DOCK2: variants seen among roughly 807,000 people sequenced by gnomAD.
The protein encoded by DOCK2 is dedicator of cytokinesis protein 2.
DOCK2 carries 87 observed loss-of-function variants against 248.9 expected under a neutral mutation model. The observed-to-expected ratio is 0.35, with a 90% CI of 0.29 to 0.42. DOCK2 has a LOEUF of 0.42. Among genes scored for constraint, DOCK2 ranks in the 10% least tolerant of loss-of-function variants. The pLI is 1.00. For missense variants in DOCK2, 1,747 were observed against 2,300.2 expected (o/e 0.76, Z 4.92); for synonymous variants, 805 against 821.6 (o/e 0.98, Z 0.35).
chr5:170,008,499 G>A lies in DOCK2; in HGVS notation c.3075G>A (p.Leu1025=), dbSNP rs1186152086. The A allele has an allele frequency of 6.2e-7, 1 of 1,614,104 alleles. No individual in the cohort carries two copies. Among genetic ancestry groups the A allele is most frequent in the East Asian group, 2.2e-5 (1 of 44,882 alleles). The part of the protein sequence containing the change: ...FLEHTNFEFQ[L]WNNYFHLAVA... ...GTTCTCTGCTCTTTCATTTACAGCT[G>A]TGGAACAACTATTTTCATCTGGCAG... The change falls in exon 31 of 52, where the codon CTG becomes CTA. Residue 1025 remains leucine (L), a splice_region_variant and synonymous_variant. Transcript: ENST00000520908.
At chr5:169,691,490 A>G (rs1760300212) in intron 9 of DOCK2, among the ~76,000 whole-genome samples, 1 of 152,214 alleles carries the variant, frequency 6.6e-6, no homozygotes, top group African/African-American at 2.4e-5. Flanking sequence ...GAGTGCTTTC[A>G]TGGTGCAGTG....
rs142401899 is a variant in DOCK2 at position 169,716,387 on chromosome 5, T to C, written c.2031+85T>C. On this transcript the variant is annotated intron_variant, in intron 20 of 51. Coordinates refer to ENST00000520908, the MANE Select transcript of DOCK2 (RefSeq NM_004946.3). ...AAATACTGAGAACTCATGGCCCTCA[T>C]GGCCCTCATGGCCTTTTTCATGAAT... 7.8e-4 allele frequency: 1,015 copies of C among 1,303,148 alleles called. 6 individuals are homozygous for C. The African/African-American group carries it at 0.013, about 16-fold the overall frequency. The allele number at this position is 1,303,148 out of a possible 1,614,324, so 80.7% of individuals were successfully genotyped here.
intron 27 of DOCK2, among the ~76,000 whole-genome samples, chr5:169,851,526 A>T (rs1295978018): frequency 2.0e-5 from 3 of 152,168 alleles, no homozygotes; most frequent in East Asian, 3.8e-4. Context: ...CTAGATAATG[A>T]TGATGATGTC....
chr5:169,681,113 C>CT (rs764614478), intron 6 of DOCK2, among the ~76,000 whole-genome samples: 963 of 94,240 alleles, frequency 0.01, 87 homozygotes, highest in East Asian at 0.014. Context: ...TTTAGTAGAC[C>CT]TTTTTTTTTT....
At chr5:169,742,693 G>A (rs1238158622) in intron 22 of DOCK2, among the ~76,000 whole-genome samples, 2 of 152,248 alleles carry the variant, frequency 1.3e-5, no homozygotes, top group Non-Finnish European at 2.9e-5. Flanking sequence ...TGGCATCTCA[G>A]TTTTGGGCTG....
rs1763672387 is a variant in DOCK2 at position 169,747,428 on chromosome 5, A to T, written c.2300A>T (p.Glu767Val). The change falls in exon 23 of 52, where the codon GAA becomes GTA. Residue 767 changes from glutamate to valine, a missense_variant. This residue lies in a region of DOCK2 where 858 missense variants were observed against 1,183.5 expected (regional missense o/e 0.72). Coordinates refer to ENST00000520908, the MANE Select transcript of DOCK2 (RefSeq NM_004946.3). ...LYEGKEQMEFEESMRRLFESI... is the reference protein window; with the variant it reads ...LYEGKEQMEFVESMRRLFESI... ...GAAGGCAAAGAACAGATGGAGTTTG[A>T]AGAATCCATGAGACGGCTCTTTGAA... is the stretch of plus-strand genomic sequence containing the variant. 1 of 1,613,610 alleles carries T rather than the reference A, an allele frequency of 6.2e-7. No individual in the cohort carries two copies. The highest frequency in any genetic ancestry group is 1.7e-5 in the Admixed American group (1 of 59,958).
At chr5:169,691,101 A>G (rs1386421894) in intron 9 of DOCK2, among the ~76,000 whole-genome samples, 1 of 152,186 alleles carries the variant, frequency 6.6e-6, no homozygotes, top group Non-Finnish European at 1.5e-5. Flanking sequence ...GAAAGTTGCC[A>G]TCATGGCAGA....
chr5:169,702,458 G>A (rs771213095), intron 14 of DOCK2, 31 bp downstream of exon 14: 2 of 1,611,936 alleles, frequency 1.2e-6, no homozygotes, highest in Non-Finnish European at 1.7e-6. Flanking sequence ...CTGGGTGACA[G>A]GGTCCGCCTT....
chr5:169,662,410 T>G (rs1384378894), intron 2 of DOCK2, among the ~76,000 whole-genome samples: 1 of 152,238 alleles, frequency 6.6e-6, no homozygotes, highest in Non-Finnish European at 1.5e-5. Context: ...ATTCACAGGT[T>G]TTTGTTTCAT....
At chr5:169,684,912 G>A (rs1759874869) in intron 8 of DOCK2, among the ~76,000 whole-genome samples, 1 of 152,188 alleles carries the variant, frequency 6.6e-6, no homozygotes, top group South Asian at 2.1e-4. Flanking sequence ...GCTTCCCAAA[G>A]TGCTGGGATT....
chr5:169,871,867 A>G (rs1374435089), intron 27 of DOCK2, among the ~76,000 whole-genome samples: 1 of 152,168 alleles, frequency 6.6e-6, no homozygotes, highest in Non-Finnish European at 1.5e-5. Context: ...CAGCCTTGAA[A>G]GGGAGGCTGC....
intron 46 of DOCK2, 64 bp from the exon 47 acceptor site, chr5:170,075,883 G>A: frequency 6.3e-7 from 1 of 1,596,238 alleles, no homozygotes; most frequent in Non-Finnish European, 8.6e-7. Context: ...GCCTTGATGG[G>A]CGGGGTGCCA....
At chr5:169,729,431 A>G (rs1762650299) in intron 22 of DOCK2, among the ~76,000 whole-genome samples, 2 of 152,298 alleles carry the variant, frequency 1.3e-5, no homozygotes, top group African/African-American at 4.8e-5. Flanking sequence ...CATGTGGCAC[A>G]TATGGTCACT....
rs142252020 is a variant in DOCK2 at position 169,711,240 on chromosome 5, C to T, written c.1483-695C>T. 1.1e-3 allele frequency among the ~76,000 whole-genome samples: 161 copies of T among 152,278 alleles called. 1 individual carries two copies. Among genetic ancestry groups the T allele is most frequent in the African/African-American group, 2.7e-3 (113 of 41,546 alleles). ...CTTCTCTCAGGTAGCTAACCTTCTC[C>T]GCATTGGCCTGAATCTCAGATTGCA... On this transcript the variant is annotated intron_variant, in intron 15 of 51. Coordinates refer to ENST00000520908, the MANE Select transcript of DOCK2 (RefSeq NM_004946.3).
rs1050463186 is a variant in DOCK2, at chr5:169,858,515, G to A, written c.2799+17663G>A. Among the ~76,000 whole-genome samples the A allele has an allele frequency of 4.6e-5, 7 of 152,164 alleles. No individual in the cohort carries two copies. The East Asian group carries it at 9.6e-4, about 21-fold the overall frequency. ...TGGCTGAGACTGGAAGACAAACACC[G>A]GAAGGGCCTGTGGTGGGAGCTTACA... On this transcript the variant is annotated intron_variant, in intron 27 of 51. Coordinates refer to ENST00000520908, the MANE Select transcript of DOCK2 (RefSeq NM_004946.3).
intron 22 of DOCK2, among the ~76,000 whole-genome samples, chr5:169,732,595 GA>G (rs1347222956): frequency 6.6e-6 from 1 of 152,192 alleles, no homozygotes; most frequent in African/African-American, 2.4e-5. Flanking sequence ...GCGTGAGACA[GA>G]AAAGAGGGAC....
At chr5:169,910,470 C>T (rs946234428) in intron 27 of DOCK2, among the ~76,000 whole-genome samples, 4 of 152,106 alleles carry the variant, frequency 2.6e-5, no homozygotes, top group East Asian at 1.9e-4. Context: ...TTGATTGTGC[C>T]GCCTGTGGTT....
intron 27 of DOCK2, among the ~76,000 whole-genome samples, chr5:169,874,514 G>A (rs1772196889): frequency 6.6e-6 from 1 of 151,544 alleles, no homozygotes; most frequent in Admixed American, 6.6e-5. Flanking sequence ...TTAGCTTCAT[G>A]CATGGTCCTT....
chr5:169,883,623 A>G, intron 27 of DOCK2: 1 of 1,551,590 alleles, frequency 6.4e-7, no homozygotes, highest in South Asian at 1.2e-5. Context: ...CAATGTTGCG[A>G]AAGCCCCCTG....
Sources: allele counts gnomAD v4.1 joint callset (sites outside exome capture counted in the v4.1 genomes callset), GRCh38; gene constraint gnomAD v4.1.1; regional missense constraint gnomAD v4.1.1; transcripts MANE v1.5; gene names NCBI Gene and HGNC (gene_info 2026-07-23, HGNC 2026-07-21).